LRRC4C: variants seen among roughly 807,000 people sequenced by gnomAD.
LRRC4C encodes leucine rich repeat containing 4C.
In LRRC4C, 5 loss-of-function variants were observed where a neutral mutation model predicts 33.6. That is an observed-to-expected ratio of 0.15 (90% confidence interval 0.08 to 0.31). The LOEUF is 0.31. Ranked by LOEUF, LRRC4C falls within the 10% of genes least tolerant of loss-of-function variation. The pLI, the probability that LRRC4C is intolerant of heterozygous loss-of-function variation, is 1.00. For synonymous variants in LRRC4C, 329 were observed against 302.0 expected (o/e 1.09, Z -0.93); for missense variants, 560 against 796.7 (o/e 0.70, Z 3.58).
intron 3 of LRRC4C, among the ~76,000 whole-genome samples, chr11:40,619,338 C>A (rs897360028): frequency 1.3e-5 from 2 of 151,744 alleles, no homozygotes; most frequent in African/African-American, 4.8e-5. Flanking sequence ...TCCCATTCTT[C>A]ATGGTGTTAT....
Position 41,011,840 on chromosome 11 carries a change from T to TATTATATTATATTA in LRRC4C, c.-495-78118_-495-78117insTAATATAATATAAT, listed in dbSNP as rs1855215431. Among the ~76,000 whole-genome samples, 3 of 147,746 alleles carry TATTATATTATATTA rather than the reference T, an allele frequency of 2.0e-5. No individual in the cohort carries two copies. In the East Asian group the frequency reaches 5.9e-4, roughly 29 times the overall value. Reference sequence around the variant, plus strand: ...CTATGTTATATATTATATTATATTATATTATATTATGTTACATGTATTTTT... The same window carrying TATTATATTATATTA: ...CTATGTTATATATTATATTATATTATATTATATTATATTAATTATATTATGTTACATGTATTTTT... On this transcript the variant is annotated intron_variant, in intron 1 of 6. Coordinates refer to ENST00000528697, the MANE Select transcript of LRRC4C (RefSeq NM_001258419.2).
intron 3 of LRRC4C, among the ~76,000 whole-genome samples, chr11:40,486,876 G>A (rs61886189): frequency 0.039 from 5,991 of 151,998 alleles, 170 homozygotes; most frequent in East Asian, 0.072. Context: ...TTTGGATAAT[G>A]CTCAAAATAG....
At chr11:40,599,430 A>G (rs1959740813) in intron 3 of LRRC4C, among the ~76,000 whole-genome samples, 2 of 152,338 alleles carry the variant, frequency 1.3e-5, no homozygotes, top group South Asian at 2.1e-4. Flanking sequence ...CCTGGGAGAC[A>G]GAGCGAGACC....
chr11:41,368,403 C>T (rs942920256), intron 1 of LRRC4C, among the ~76,000 whole-genome samples: 5 of 152,176 alleles, frequency 3.3e-5, no homozygotes, highest in South Asian at 2.1e-4. Flanking sequence ...GGAGAAAAAT[C>T]CCATTAGCCA....
At chr11:40,812,381 A>G in intron 2 of LRRC4C, among the ~76,000 whole-genome samples, 1 of 152,224 alleles carries the variant, frequency 6.6e-6, no homozygotes, top group Non-Finnish European at 1.5e-5. Context: ...TCAGCAGATT[A>G]TGTTTGCCCA....
intron 4 of LRRC4C, among the ~76,000 whole-genome samples, chr11:40,243,520 C>T (rs752808033): frequency 6.6e-5 from 10 of 151,970 alleles, no homozygotes; most frequent in Admixed American, 5.2e-4. Flanking sequence ...AGTTAGAATT[C>T]GTGACTCATT....
At chr11:41,188,005 T>C (rs560043596) in intron 1 of LRRC4C, among the ~76,000 whole-genome samples, 1 of 152,340 alleles carries the variant, frequency 6.6e-6, no homozygotes, top group South Asian at 2.1e-4. Flanking sequence ...TTAATTTCTT[T>C]CTCTTTTCCA....
At chr11:40,193,210 C>T (rs1861991635) in intron 5 of LRRC4C, among the ~76,000 whole-genome samples, 1 of 152,142 alleles carries the variant, frequency 6.6e-6, no homozygotes, top group South Asian at 2.1e-4. Flanking sequence ...AGAGCTCTGG[C>T]TGGCATCTGG....
At chr11:41,372,101 C>G (rs1162986433) in intron 1 of LRRC4C, among the ~76,000 whole-genome samples, 4 of 152,218 alleles carry the variant, frequency 2.6e-5, no homozygotes, top group Admixed American at 6.5e-5. Context: ...CGTGCCACTG[C>G]ACTCCAGCCT....
In LRRC4C at chr11:40,507,495, AAGAT is replaced by A. The variant is rs1364973211; in HGVS notation, c.-270+140643_-270+140646del. ...TACATTCATTGTTGGTGAGAGTATG[AAGAT>A]AGATACTATAATAACCTATGGATGG... On this transcript the variant is annotated intron_variant, in intron 3 of 6. Transcript: ENST00000528697. 1.5e-4 allele frequency among the ~76,000 whole-genome samples: 23 copies of A among 152,264 alleles called. No homozygotes were observed. In the South Asian group the frequency reaches 1.9e-3, roughly 12 times the overall value.
intron 1 of LRRC4C, among the ~76,000 whole-genome samples, chr11:40,966,960 C>G (rs1009786605): frequency 6.6e-6 from 1 of 151,974 alleles, no homozygotes; most frequent in Non-Finnish European, 1.5e-5. Context: ...TCAAGAGCCA[C>G]ATGAGGTTGC....
intron 3 of LRRC4C, among the ~76,000 whole-genome samples, chr11:40,585,633 C>G (rs1289068704): frequency 1.7e-5 from 2 of 119,580 alleles, no homozygotes; most frequent in Admixed American, 9.3e-5. Context: ...TCCCCCCACC[C>G]CACAACAGTC....
At chr11:40,591,467 C>A (rs1161900554) in intron 3 of LRRC4C, among the ~76,000 whole-genome samples, 1 of 152,180 alleles carries the variant, frequency 6.6e-6, no homozygotes, top group Non-Finnish European at 1.5e-5. Flanking sequence ...GAGCTGTAGA[C>A]CGGAGCTGTT....
At chr11:40,290,187 C>T (rs1391787778) in intron 4 of LRRC4C, among the ~76,000 whole-genome samples, 2 of 152,120 alleles carry the variant, frequency 1.3e-5, no homozygotes, top group East Asian at 1.9e-4. Context: ...CTTTCTTTGT[C>T]ATTGTGCTAA....
rs1470963611 is a variant in LRRC4C, at chr11:40,495,811, ATGTTTTTTTTTTTTTTT to A, written c.-270+152314_-270+152330del. 1.9e-4 allele frequency among the ~76,000 whole-genome samples: 10 copies of A among 51,920 alleles called. No homozygotes were observed. In the East Asian group the frequency reaches 2.7e-3, roughly 14 times the overall value. The allele number at this position is 51,920 out of a possible 152,430, so 34.1% of individuals were successfully genotyped here. A position where few individuals can be genotyped will look rare whatever the true frequency, so the allele number is the denominator to read the frequency against. On this transcript the variant is annotated intron_variant, in intron 3 of 6. Coordinates refer to ENST00000528697, the MANE Select transcript of LRRC4C (RefSeq NM_001258419.2). ...GATTTTATTGAAGTTCTCAATAAAC[ATGTTTTTTTTTTTTTTT>A]TTTTTTTTTTTTTTTTTTTTTGAGA... is the stretch of plus-strand genomic sequence containing the variant.
chr11:41,279,322 TG>T (rs1284473791), intron 1 of LRRC4C, among the ~76,000 whole-genome samples: 1 of 151,360 alleles, frequency 6.6e-6, no homozygotes, highest in Non-Finnish European at 1.5e-5. Flanking sequence ...GCCTGCTTTC[TG>T]AGAGGCTACA....
intron 3 of LRRC4C, among the ~76,000 whole-genome samples, chr11:40,351,053 A>T (rs1039789403): frequency 6.6e-6 from 1 of 151,952 alleles, no homozygotes; most frequent in Non-Finnish European, 1.5e-5. Flanking sequence ...TACTTCTTTC[A>T]TTCTAATTTA....
chr11:41,151,871 T>C (rs1002868933), intron 1 of LRRC4C, among the ~76,000 whole-genome samples: 5 of 152,364 alleles, frequency 3.3e-5, no homozygotes, highest in Middle Eastern at 3.4e-3. Flanking sequence ...AAAAGTTATT[T>C]GATGGTATTT....
chr11:40,344,743 A>G (rs1947043153), intron 3 of LRRC4C, among the ~76,000 whole-genome samples: 1 of 152,194 alleles, frequency 6.6e-6, no homozygotes, highest in South Asian at 2.1e-4. Context: ...ATAATTCTAT[A>G]CTTACAAATC....
Sources: gnomAD v4.1 joint callset for allele counts (sites outside exome capture counted in the v4.1 genomes callset) on GRCh38, gnomAD v4.1.1 for gene constraint, MANE v1.5 for transcripts, NCBI Gene and HGNC (gene_info 2026-07-23, HGNC 2026-07-21) for gene names.